The following SPMIP4 variants were observed in gnomAD, a reference collection of about 807,000 sequenced individuals.
SPMIP4 encodes sperm microtubule inner protein 4.
chr7:25,159,170 T>C, the SPMIP4 span, among the ~76,000 whole-genome samples: 3 of 152,218 alleles, frequency 2.0e-5, no homozygotes, highest in African/African-American at 4.8e-5. Flanking sequence ...ACGTTATACA[T>C]GGGGTGCAAT....
chr7:25,142,187 A>G, the SPMIP4 span: 3 of 1,322,520 alleles, frequency 2.3e-6, no homozygotes, highest in Non-Finnish European at 1.1e-6. Flanking sequence ...GCAAAGCAAG[A>G]AGGAGCCCAG....
At chr7:25,126,296 G>GC in the SPMIP4 span, among the ~76,000 whole-genome samples, 1 of 152,008 alleles carries the variant, frequency 6.6e-6, no homozygotes, top group East Asian at 1.9e-4. Flanking sequence ...TAATGTCTCA[G>GC]CCCCCCAAGT....
the SPMIP4 span, among the ~76,000 whole-genome samples, chr7:25,143,324 T>C: frequency 6.6e-6 from 1 of 152,252 alleles, no homozygotes; most frequent in East Asian, 1.9e-4. Context: ...GAGCTATGCA[T>C]GTAAACATGA....
At chr7:25,129,139 G>T in the SPMIP4 span, among the ~76,000 whole-genome samples, 1 of 152,204 alleles carries the variant, frequency 6.6e-6, no homozygotes, top group Non-Finnish European at 1.5e-5. Context: ...GGCCTCCCTG[G>T]CTAGCATCTC....
chr7:25,179,166 T>G, the SPMIP4 span: 5 of 1,582,452 alleles, frequency 3.2e-6, no homozygotes, highest in Non-Finnish European at 4.3e-6. Flanking sequence ...TTTCTAGTTT[T>G]TGTTTTACCT....
the SPMIP4 span, chr7:25,134,807 A>G: frequency 5.1e-6 from 5 of 985,386 alleles, no homozygotes; most frequent in Admixed American, 6.1e-5. Flanking sequence ...GACACTCCCA[A>G]TTGCATTACA....
the SPMIP4 span, among the ~76,000 whole-genome samples, chr7:25,131,367 C>T: frequency 6.6e-6 from 1 of 152,150 alleles, no homozygotes; most frequent in Non-Finnish European, 1.5e-5. This position sits in a 1 kb window ranked among gnomAD's most constrained non-coding sequence, Gnocchi z 4.2. Flanking sequence ...AAATGTAATG[C>T]ACTTGAATGA....
At chr7:25,160,791 A>C in the SPMIP4 span, among the ~76,000 whole-genome samples, 1 of 152,324 alleles carries the variant, frequency 6.6e-6, no homozygotes, top group African/African-American at 2.4e-5. Flanking sequence ...ATAATAAAAA[A>C]CTTCTATCCT....
At chr7:25,150,569 GATA>G in the SPMIP4 span, among the ~76,000 whole-genome samples, 1 of 152,212 alleles carries the variant, frequency 6.6e-6, no homozygotes, top group Non-Finnish European at 1.5e-5. Context: ...GATGCCAAGA[GATA>G]ATATATGGAG....
At chr7:25,179,397 A>T in the SPMIP4 span, 1 of 1,437,622 alleles carries the variant, frequency 7.0e-7, no homozygotes, top group Non-Finnish European at 9.5e-7. Context: ...CACATTTTAC[A>T]CTGCTAAATT....
chr7:25,142,162 A>G, the SPMIP4 span: 1 of 1,007,804 alleles, frequency 9.9e-7, no homozygotes, highest in Non-Finnish European at 1.5e-6. Flanking sequence ...GCTAAAACCC[A>G]GGACACAAAA....
the SPMIP4 span, among the ~76,000 whole-genome samples, chr7:25,176,940 T>A: frequency 6.6e-6 from 1 of 152,366 alleles, no homozygotes; most frequent in Admixed American, 6.5e-5. This position sits in a 1 kb window ranked among gnomAD's most constrained non-coding sequence, Gnocchi z 4.4. Context: ...TCTGTGAGAA[T>A]CAGTGTTTAG....
At chr7:25,136,442 T>C in the SPMIP4 span, 1 of 1,614,242 alleles carries the variant, frequency 6.2e-7, no homozygotes. The surrounding 1 kb of genome is among the most constrained non-coding windows in gnomAD (Gnocchi z 5.7). Flanking sequence ...GTCTTTTTAG[T>C]ATCTGTGATT....
chr7:25,128,690 C>T, the SPMIP4 span, among the ~76,000 whole-genome samples: 1,817 of 152,326 alleles, frequency 0.012, 32 homozygotes, highest in Middle Eastern at 0.051. This position sits in a 1 kb window ranked among gnomAD's most constrained non-coding sequence, Gnocchi z 4.5. Flanking sequence ...GTGCCCTACT[C>T]CCCAGTAGCT....
chr7:25,138,456 A>T, the SPMIP4 span, among the ~76,000 whole-genome samples: 92 of 152,310 alleles, frequency 6.0e-4, no homozygotes, highest in African/African-American at 2.2e-3. This position sits in a 1 kb window ranked among gnomAD's most constrained non-coding sequence, Gnocchi z 6.2. Flanking sequence ...GTCTCTAACT[A>T]CTAGGCTCAA....
chr7:25,180,194 C>G, the SPMIP4 span: 1 of 152,924 alleles, frequency 6.5e-6, no homozygotes, highest in African/African-American at 2.4e-5. Context: ...GTGATGCGTC[C>G]TTGAGGGGCT....
chr7:25,143,581 C>T, the SPMIP4 span, among the ~76,000 whole-genome samples: 16 of 129,464 alleles, frequency 1.2e-4, no homozygotes, highest in African/African-American at 4.5e-4. Context: ...GAAGTAAAGA[C>T]ACTTTTTTTT....
At chr7:25,126,579 C>T in the SPMIP4 span, among the ~76,000 whole-genome samples, 1 of 152,188 alleles carries the variant, frequency 6.6e-6, no homozygotes, top group African/African-American at 2.4e-5. Flanking sequence ...TGCACTTTAA[C>T]TTCACTCTCC....
At chr7:25,153,935 C>T in the SPMIP4 span, among the ~76,000 whole-genome samples, 1 of 152,160 alleles carries the variant, frequency 6.6e-6, no homozygotes, top group Admixed American at 6.5e-5. Context: ...AGTCATTATA[C>T]GCTAGCAGGG....
Sources: allele counts gnomAD v4.1 joint callset (sites outside exome capture counted in the v4.1 genomes callset), GRCh38; gene constraint gnomAD v4.1.1; non-coding constraint Gnocchi (gnomAD v3.1); transcripts MANE v1.5; gene names NCBI Gene and HGNC (gene_info 2026-07-23, HGNC 2026-07-21).